DACH2: variants seen among roughly 807,000 people sequenced by gnomAD.
The protein encoded by DACH2 is dachshund family transcription factor 2.
Under a neutral mutation model 35.8 loss-of-function variants are expected in DACH2, and 17 were observed. That is an observed-to-expected ratio of 0.48 (90% CI 0.33 to 0.71). The LOEUF (loss-of-function observed/expected upper bound fraction) is 0.71, where lower values mean the gene tolerates loss of function less well. Ranked by LOEUF, DACH2 falls within the 30% of genes least tolerant of loss-of-function variation. DACH2 has a pLI of 0.02. For missense variants in DACH2, 469 were observed against 472.7 expected, an observed-to-expected ratio of 0.99 and a Z score of 0.07; for synonymous variants, 195 against 177.3, an observed-to-expected ratio of 1.10 and a Z score of -0.79.
intron 3 of DACH2, among the ~76,000 whole-genome samples, chrX:86,542,544 G>T (rs1026790674): frequency 9.0e-6 from 1 of 111,566 alleles, no homozygotes; most frequent in Non-Finnish European, 1.9e-5. Flanking sequence ...AATCAGAGTA[G>T]ATGCCTGTGC....
chrX:86,623,637 T>C (rs2040094278), intron 3 of DACH2, among the ~76,000 whole-genome samples: 1 of 111,852 alleles, frequency 8.9e-6, no homozygotes, highest in African/African-American at 3.3e-5. Flanking sequence ...GATACTCCTC[T>C]TTACAAGAAT....
chrX:86,637,293 T>G (rs1286935557), intron 3 of DACH2, among the ~76,000 whole-genome samples: 2 of 100,840 alleles, frequency 2.0e-5, no homozygotes, highest in African/African-American at 3.6e-5. Flanking sequence ...TATATACTGT[T>G]GGTTGGTGTG....
At chrX:86,338,891 C>T (rs1286438475) in intron 1 of DACH2, among the ~76,000 whole-genome samples, 2 of 112,075 alleles carry the variant, frequency 1.8e-5, no homozygotes, top group African/African-American at 6.5e-5. Flanking sequence ...GATATCACCA[C>T]TGATCCCACA....
intron 5 of DACH2, among the ~76,000 whole-genome samples, chrX:86,700,778 C>A (rs1465599515): frequency 1.8e-5 from 2 of 110,862 alleles, no homozygotes; most frequent in Non-Finnish European, 3.8e-5. Context: ...TGAAAATATA[C>A]AACCACCCAA....
chrX:86,427,153 G>T (rs1382022937), intron 2 of DACH2, among the ~76,000 whole-genome samples: 2 of 111,379 alleles, frequency 1.8e-5, no homozygotes, highest in Non-Finnish European at 3.8e-5. Flanking sequence ...GAGCCAGACT[G>T]CCCTTTATCT....
chrX:86,462,000 T>G (rs905612522), intron 2 of DACH2, among the ~76,000 whole-genome samples: 2 of 111,297 alleles, frequency 1.8e-5, no homozygotes, highest in Non-Finnish European at 3.8e-5. Flanking sequence ...TTTTGGAATG[T>G]ATCAGCAGAA....
At chrX:86,318,591 G>T (rs1377633695) in intron 1 of DACH2, among the ~76,000 whole-genome samples, 1 of 110,986 alleles carries the variant, frequency 9.0e-6, no homozygotes. Context: ...TAGAACCTTA[G>T]ACATCCCATA....
chrX:86,449,422 C>T (rs2037326672), intron 2 of DACH2, among the ~76,000 whole-genome samples: 1 of 110,354 alleles, frequency 9.1e-6, no homozygotes. Flanking sequence ...CCTGCTTTCT[C>T]TTTGTTTCTT....
At chrX:86,333,051 C>A (rs2035240336) in intron 1 of DACH2, among the ~76,000 whole-genome samples, 1 of 111,464 alleles carries the variant, frequency 9.0e-6, no homozygotes, top group Non-Finnish European at 1.9e-5. Flanking sequence ...GAAAATAAAA[C>A]AACAGTATAG....
chrX:86,266,862 T>C (rs144932020), intron 1 of DACH2, among the ~76,000 whole-genome samples: 12,391 of 111,729 alleles, frequency 0.11, 705 homozygotes, highest in Non-Finnish European at 0.17. Flanking sequence ...TGTACATTTA[T>C]CTTTTTTAAA....
chrX:86,480,551 C>T (rs1273592012), intron 2 of DACH2, among the ~76,000 whole-genome samples: 1 of 111,806 alleles, frequency 8.9e-6, no homozygotes, highest in East Asian at 2.8e-4. Flanking sequence ...GTGTGTTTCC[C>T]TTCAGAGTGG....
chrX:86,748,398 A>G (rs752354991), intron 7 of DACH2, among the ~76,000 whole-genome samples: 35 of 112,203 alleles, frequency 3.1e-4, no homozygotes, highest in Admixed American at 9.4e-4. Context: ...TCGAAAGTCA[A>G]ACAATTACTC....
intron 3 of DACH2, among the ~76,000 whole-genome samples, chrX:86,637,246 A>AAAAAAAAAAG (rs2040282352): frequency 1.2e-5 from 1 of 81,848 alleles, no homozygotes. Flanking sequence ...AAAAAAAAAA[A>AAAAAAAAAAG]CAGATGCTGG....
At chrX:86,450,648 G>T (rs975006599) in intron 2 of DACH2, among the ~76,000 whole-genome samples, 1 of 110,358 alleles carries the variant, frequency 9.1e-6, no homozygotes, top group Non-Finnish European at 1.9e-5. Context: ...GAATTGCCAC[G>T]CTGTCTTCCA....
intron 3 of DACH2, among the ~76,000 whole-genome samples, chrX:86,638,358 A>C (rs1044916597): frequency 1.2e-4 from 13 of 112,294 alleles, no homozygotes; most frequent in East Asian, 1.1e-3. Context: ...CTAAGCAATT[A>C]ATTCATGACT....
chrX:86,653,150 A>T (rs2040497185), intron 4 of DACH2, among the ~76,000 whole-genome samples: 1 of 111,944 alleles, frequency 8.9e-6, no homozygotes, highest in Non-Finnish European at 1.9e-5. Flanking sequence ...TTCGGCATAC[A>T]GCTAGCCAGT....
intron 2 of DACH2, among the ~76,000 whole-genome samples, chrX:86,426,611 C>G (rs971754584): frequency 9.0e-6 from 1 of 111,068 alleles, no homozygotes; most frequent in Non-Finnish European, 1.9e-5. Context: ...TAAATTGTAC[C>G]TTTATTTCCT....
intron 1 of DACH2, among the ~76,000 whole-genome samples, chrX:86,317,927 G>A (rs1192308808): frequency 9.2e-6 from 1 of 109,117 alleles, no homozygotes; most frequent in Non-Finnish European, 1.9e-5. Flanking sequence ...GTTCCCCAAG[G>A]GGCTTTTATT....
chrX:86,640,682 G>T (rs1441385524), intron 3 of DACH2, among the ~76,000 whole-genome samples: 2 of 111,018 alleles, frequency 1.8e-5, no homozygotes, highest in African/African-American at 6.6e-5. Context: ...AAGCACTCAA[G>T]GGGGAGAGGA....
Sources: allele counts gnomAD v4.1 joint callset (sites outside exome capture counted in the v4.1 genomes callset), GRCh38; gene constraint gnomAD v4.1.1; transcripts MANE v1.5; gene names NCBI Gene and HGNC (gene_info 2026-07-23, HGNC 2026-07-21).